Variants in PCBP4 observed in about 807,000 individuals in gnomAD.
The protein encoded by PCBP4 is poly(rC)-binding protein 4.
A neutral mutation model predicts 46.2 loss-of-function variants in PCBP4; 24 were observed. That is an observed-to-expected ratio of 0.52 (90% CI 0.38 to 0.73). The LOEUF (loss-of-function observed/expected upper bound fraction) is 0.73. PCBP4 is among the 30% of genes least tolerant of loss of function. The pLI is 0.00. For synonymous variants in PCBP4, 203 were observed against 224.4 expected, an observed-to-expected ratio of 0.90 and a Z score of 0.85; for missense variants, 407 against 537.0, an observed-to-expected ratio of 0.76 and a Z score of 2.39.
intron 1 of PCBP4, among the ~76,000 whole-genome samples, chr3:51,965,693 G>A (rs2106775097): frequency 6.6e-6 from 1 of 152,326 alleles, no homozygotes; most frequent in African/African-American, 2.4e-5. Context: ...TGAGAGTAGA[G>A]TGAGAAGACC....
chr3:51,958,420 TG>T lies in PCBP4; in HGVS notation c.924-72del. 9.5e-7 allele frequency: 1 copy of T among 1,056,782 alleles called. No individual in the cohort carries two copies. The highest frequency in any genetic ancestry group is 1.3e-6 in the Non-Finnish European group (1 of 762,104). The allele number at this position is 1,056,782 out of a possible 1,614,324, so 65.5% of individuals were successfully genotyped here. On this transcript the variant is annotated intron_variant, in intron 13 of 13. Transcript: ENST00000461554. The surrounding 1 kb of genome is among the most constrained non-coding windows in gnomAD (Gnocchi z 5.4). Reference sequence around the variant, plus strand: ...GAGAGAGGGGCAATGAGGGCAGAGATGGGCATGAGATTAGATGAAAGGCAAG... The same window carrying T: ...GAGAGAGGGGCAATGAGGGCAGAGATGGCATGAGATTAGATGAAAGGCAAG...
Position 51,959,587 on chromosome 3 carries a change from G to A in PCBP4, c.581C>T (p.Ser194Phe). 5 of 1,552,694 alleles carry A rather than the reference G, an allele frequency of 3.2e-6. No individual in the cohort carries two copies. Among genetic ancestry groups the A allele is most frequent in the Non-Finnish European group, 4.4e-6 (5 of 1,147,322 alleles). ...PSLSLGTVLL[S>F]ANQGFSVQGQ... The stretch of plus-strand genomic sequence containing the variant: ...TGTTGTTCCCCTCACCTGGTTGGCA[G>A]AGAGAAGAACAGTACCTAGGGAGAG... The change falls in exon 9 of 14, where the codon TCT becomes TTT. Residue 194 changes from serine (S) to phenylalanine (F), a missense_variant. Transcript: ENST00000461554. The surrounding 1 kb of genome is among the most constrained non-coding windows in gnomAD (Gnocchi z 5.6).
intron 1 of PCBP4, 105 bp downstream of exon 1, chr3:51,967,221 C>CA (rs1206753511): frequency 1.3e-5 from 2 of 152,176 alleles, no homozygotes; most frequent in East Asian, 3.9e-4. Flanking sequence ...CTCGCAGTCT[C>CA]ACAAACCTGC....
At chr3:51,961,378 A>G (rs1475666421) in intron 2 of PCBP4, 74 bp from the exon 3 acceptor site, 62 of 1,434,530 alleles carry the variant, frequency 4.3e-5, no homozygotes, top group Non-Finnish European at 5.3e-5. Flanking sequence ...TGGGGACCCC[A>G]GAGCTGGGCT....
intron 1 of PCBP4, among the ~76,000 whole-genome samples, chr3:51,964,422 C>T (rs968714057): frequency 2.6e-5 from 4 of 152,206 alleles, no homozygotes; most frequent in African/African-American, 9.7e-5. Flanking sequence ...ACTGGCCCGC[C>T]CCTTGGGGGA....
chr3:51,961,404 G>A, intron 2 of PCBP4, 100 bp from the exon 3 acceptor site: 1 of 1,309,948 alleles, frequency 7.6e-7, no homozygotes, highest in Non-Finnish European at 1.0e-6. Flanking sequence ...AACTCCCAGA[G>A]GAAAGAGACT....
In PCBP4 at chr3:51,959,507, T is replaced by C; in HGVS notation, c.591+70A>G. Reference sequence around the variant, plus strand: ...CGTCCCTGGACCTCCAATTCCTTCTTCCATCCCCTCCTCTATCTCAATCCC... The same window carrying C: ...CGTCCCTGGACCTCCAATTCCTTCTCCCATCCCCTCCTCTATCTCAATCCC... On this transcript the variant is annotated intron_variant, in intron 9 of 13. Coordinates refer to ENST00000461554, the MANE Select transcript of PCBP4 (RefSeq NM_001174100.2). The surrounding 1 kb of genome is among the most constrained non-coding windows in gnomAD (Gnocchi z 5.6). 6.6e-7 allele frequency: 1 copy of C among 1,524,130 alleles called. No individual in the cohort carries two copies. Among genetic ancestry groups the C allele is most frequent in the African/African-American group, 1.4e-5 (1 of 72,646 alleles). 94.4% of individuals were successfully genotyped at this position (1,524,130 alleles called of 1,614,324 possible).
chr3:51,967,465 G>C (rs1700494574), upstream of PCBP4: 1 of 147,662 alleles, frequency 6.8e-6, no homozygotes, highest in Non-Finnish European at 1.5e-5. Flanking sequence ...GACAGGCGCG[G>C]AGCCCGGCCG....
rs750661659 is a variant in PCBP4, at chr3:51,958,766, C to A, written c.923+24G>T. On this transcript the variant is annotated intron_variant, in intron 13 of 13. Transcript: ENST00000461554. This position sits in a 1 kb window ranked among gnomAD's most constrained non-coding sequence, Gnocchi z 5.4. The stretch of plus-strand genomic sequence containing the variant: ...ACATGAGAACCGTGACCTGCTCCCC[C>A]ACTGCCGCCCAGCCCGCGCTCACCA... 6.9e-6 allele frequency: 11 copies of A among 1,599,402 alleles called. No homozygotes were observed. Among genetic ancestry groups the A allele is most frequent in the Admixed American group, 5.0e-5 (3 of 59,660 alleles).
Position 51,958,736 on chromosome 3 carries a change from T to C in PCBP4, c.923+54A>G. ...TTCCTCTCCCCACCCCTGCCTTTCT[T>C]GGGCACATGAGAACCGTGACCTGCT... On this transcript the variant is annotated intron_variant, in intron 13 of 13. Transcript: ENST00000461554. This position sits in a 1 kb window ranked among gnomAD's most constrained non-coding sequence, Gnocchi z 5.4. The C allele has an allele frequency of 6.4e-7, 1 of 1,568,768 alleles. No individual in the cohort carries two copies. The highest frequency in any genetic ancestry group is 2.3e-5 in the East Asian group (1 of 44,272).
Position 51,959,477 on chromosome 3 carries a change from TC to T in PCBP4, c.592-67del, listed in dbSNP as rs749966451. The T allele has an allele frequency of 1.5e-5, 23 of 1,535,960 alleles. No individual in the cohort carries two copies. The highest frequency in any genetic ancestry group is 1.9e-5 in the Non-Finnish European group (22 of 1,133,758). On this transcript the variant is annotated intron_variant, in intron 9 of 13. Coordinates refer to ENST00000461554, the MANE Select transcript of PCBP4 (RefSeq NM_001174100.2). This position sits in a 1 kb window ranked among gnomAD's most constrained non-coding sequence, Gnocchi z 5.6. ...TTGCAGTTCAGCCAGAGTCACTCCT[TC>T]CCCCGTCCCTGGACCTCCAATTCCT...
In PCBP4 at chr3:51,961,243, T is replaced by C; in HGVS notation, c.-3A>G. 6.2e-7 allele frequency: 1 copy of C among 1,611,400 alleles called. No individual in the cohort carries two copies. Among genetic ancestry groups the C allele is most frequent in the Non-Finnish European group, 8.5e-7 (1 of 1,179,788 alleles). ...AGTCCCCCGTCCGAGCCGCTCATTCTGTCAGGCGAGGCTGGGGCCACAGCG... is the reference window on the plus strand; with the variant it reads ...AGTCCCCCGTCCGAGCCGCTCATTCCGTCAGGCGAGGCTGGGGCCACAGCG... On this transcript the variant is annotated 5_prime_UTR_variant, in exon 3 of 14. Coordinates refer to ENST00000461554, the MANE Select transcript of PCBP4 (RefSeq NM_001174100.2).
chr3:51,964,832 C>T (rs1700345255), intron 1 of PCBP4, among the ~76,000 whole-genome samples: 1 of 152,204 alleles, frequency 6.6e-6, no homozygotes, highest in African/African-American at 2.4e-5. Flanking sequence ...CAATCATCTA[C>T]AGTTGGGAGA....
chr3:51,958,943 A>G lies in PCBP4; in HGVS notation c.770T>C (p.Ile257Thr). The change falls in exon 13 of 14, where the codon ATC becomes ACC. Residue 257 changes from isoleucine (I) to threonine (T), a missense_variant. Transcript: ENST00000461554. This position sits in a 1 kb window ranked among gnomAD's most constrained non-coding sequence, Gnocchi z 5.4. ...GCTGATCTTGCTGCCCTGGCGCCCG[A>G]TCACACAGCCAATCAACTAGAGGGA... Reference protein sequence around the residue: ...LVPNDLIGCVIGRQGSKISEI... With the variant: ...LVPNDLIGCVTGRQGSKISEI... 1 of 1,613,876 alleles carries G rather than the reference A, an allele frequency of 6.2e-7. No individual in the cohort carries two copies. Among genetic ancestry groups the G allele is most frequent in the Non-Finnish European group, 8.5e-7 (1 of 1,179,920 alleles).
rs1577668995 is a variant in PCBP4 at position 51,957,848 on chromosome 3, T to G, written c.*213A>C. ...GCTGAGGAGGTAGGGCCCCCTGCCC[T>G]GGGGCTGCCGCAGCTCAGACCCCTG... On this transcript the variant is annotated 3_prime_UTR_variant, in exon 14 of 14. Transcript: ENST00000461554. The G allele has an allele frequency of 4.5e-6, 2 of 444,578 alleles. No homozygotes were observed. Among genetic ancestry groups the G allele is most frequent in the East Asian group, 7.3e-5 (2 of 27,516 alleles). The allele number at this position is 444,578 out of a possible 1,614,324, so 27.5% of individuals were successfully genotyped here.
At chr3:51,961,087 T>C in intron 3 of PCBP4, 54 bp from the exon 4 acceptor site, 1 of 1,613,844 alleles carries the variant, frequency 6.2e-7, no homozygotes, top group South Asian at 1.1e-5. Context: ...GCCCAGCCCC[T>C]CCCCACTGGG....
Position 51,958,665 on chromosome 3 carries a change from G to A in PCBP4, c.923+125C>T. 3.7e-6 allele frequency: 4 copies of A among 1,081,650 alleles called. No homozygotes were observed. In the East Asian group the frequency reaches 7.7e-5, roughly 21 times the overall value. The allele number at this position is 1,081,650 out of a possible 1,614,324, so 67.0% of individuals were successfully genotyped here. On this transcript the variant is annotated intron_variant, in intron 13 of 13. Coordinates refer to ENST00000461554, the MANE Select transcript of PCBP4 (RefSeq NM_001174100.2). The surrounding 1 kb of genome is among the most constrained non-coding windows in gnomAD (Gnocchi z 5.4). ...AAAGACCATGGGGAATTGGAGTAGGGTTAGGAGAGGCAGAGGTCGGGCCCA... is the reference window on the plus strand; with the variant it reads ...AAAGACCATGGGGAATTGGAGTAGGATTAGGAGAGGCAGAGGTCGGGCCCA...
Position 51,958,352 on chromosome 3 carries a change from GGA to G in PCBP4, c.924-5_924-4del. The G allele has an allele frequency of 6.7e-7, 1 of 1,488,722 alleles. No individual in the cohort carries two copies. Among genetic ancestry groups the G allele is most frequent in the Non-Finnish European group, 8.9e-7 (1 of 1,120,238 alleles). The allele number at this position is 1,488,722 out of a possible 1,614,324, so 92.2% of individuals were successfully genotyped here. On this transcript the variant is annotated splice_polypyrimidine_tract_variant and splice_region_variant and intron_variant, in intron 13 of 13. Coordinates refer to ENST00000461554, the MANE Select transcript of PCBP4 (RefSeq NM_001174100.2). The surrounding 1 kb of genome is among the most constrained non-coding windows in gnomAD (Gnocchi z 5.4). ...AGGTAGACTTGGCCGTCTCTAGACT[GGA>G]GAGAGGGATATAGAGGGGAGACAAA...
chr3:51,967,017 G>A (rs1015015299), intron 1 of PCBP4, among the ~76,000 whole-genome samples: 5 of 152,176 alleles, frequency 3.3e-5, no homozygotes, highest in African/African-American at 1.2e-4. Context: ...GGGCAGAGAT[G>A]GAGCAGAACC....
Sources: gnomAD v4.1 joint callset for allele counts (sites outside exome capture counted in the v4.1 genomes callset) on GRCh38, gnomAD v4.1.1 for gene constraint, Gnocchi (gnomAD v3.1) non-coding constraint, MANE v1.5 for transcripts, NCBI Gene and HGNC (gene_info 2026-07-23, HGNC 2026-07-21) for gene names.